The following JAZF1 variants were observed in gnomAD, a reference collection of about 807,000 sequenced individuals.
JAZF1 encodes the protein juxtaposed with another zinc finger protein 1.
In JAZF1, 8 loss-of-function variants were observed where a neutral mutation model predicts 26.4. The observed-to-expected ratio is 0.30, with a 90% confidence interval of 0.18 to 0.55. JAZF1 has a LOEUF of 0.55. Ranked by LOEUF, JAZF1 falls within the 20% of genes least tolerant of loss-of-function variation. The pLI, the probability that JAZF1 is intolerant of heterozygous loss-of-function variation, is 0.94. For missense variants in JAZF1, 199 were observed against 322.0 expected (o/e 0.62, Z 2.92); for synonymous variants, 126 against 122.3 (o/e 1.03, Z -0.20).
At chr7:28,090,159 T>G (rs1784271422) in intron 1 of JAZF1, among the ~76,000 whole-genome samples, 1 of 152,202 alleles carries the variant, frequency 6.6e-6, no homozygotes, top group Admixed American at 6.5e-5. Flanking sequence ...TTCCTCAACT[T>G]AAAAATCAGT....
chr7:27,884,311 G>A (rs572153091), intron 3 of JAZF1, among the ~76,000 whole-genome samples: 2 of 152,060 alleles, frequency 1.3e-5, no homozygotes, highest in African/African-American at 2.4e-5. Flanking sequence ...TTTGATTTTC[G>A]TAGAGACCAG....
intron 1 of JAZF1, among the ~76,000 whole-genome samples, chr7:27,996,202 A>G (rs946858945): frequency 1.3e-5 from 2 of 152,182 alleles, no homozygotes; most frequent in African/African-American, 4.8e-5. Flanking sequence ...GCTGGTCTAC[A>G]TTTTATAACC....
intron 2 of JAZF1, among the ~76,000 whole-genome samples, chr7:27,937,608 T>C (rs551773989): frequency 1.3e-5 from 2 of 152,166 alleles, no homozygotes; most frequent in South Asian, 4.1e-4. Context: ...ACCTGTAGAA[T>C]AGGTTTACTG....
chr7:28,105,917 T>G (rs1784543587), intron 1 of JAZF1, among the ~76,000 whole-genome samples: 1 of 152,314 alleles, frequency 6.6e-6, no homozygotes, highest in East Asian at 1.9e-4. Context: ...AACAAAAAGC[T>G]ATTTTGCATT....
chr7:28,062,323 C>T (rs1438600828), intron 1 of JAZF1, among the ~76,000 whole-genome samples: 1 of 152,086 alleles, frequency 6.6e-6, no homozygotes, highest in Admixed American at 6.6e-5. Flanking sequence ...CAGTAGAGGG[C>T]GCCGCAGGGA....
intron 1 of JAZF1, among the ~76,000 whole-genome samples, chr7:28,099,135 T>A: frequency 6.6e-6 from 1 of 152,214 alleles, no homozygotes; most frequent in East Asian, 1.9e-4. Context: ...TTATTTGTAG[T>A]ATGGAATGGA....
intron 3 of JAZF1, among the ~76,000 whole-genome samples, chr7:27,889,174 C>CA (rs751341722): frequency 6.6e-6 from 1 of 152,200 alleles, no homozygotes; most frequent in Non-Finnish European, 1.5e-5. Flanking sequence ...AAGCCCCACC[C>CA]ACCAGCTGAA....
At chr7:27,976,332 C>T (rs1286861409) in intron 2 of JAZF1, among the ~76,000 whole-genome samples, 1 of 117,472 alleles carries the variant, frequency 8.5e-6, no homozygotes, top group East Asian at 2.3e-4. Context: ...GCAACAGAGC[C>T]AGACTCCGTC....
intron 3 of JAZF1, among the ~76,000 whole-genome samples, chr7:27,858,325 C>A (rs2128335613): frequency 6.6e-6 from 1 of 152,250 alleles, no homozygotes; most frequent in Middle Eastern, 3.4e-3. Flanking sequence ...TTTACAGATT[C>A]AATGCTATCC....
At chr7:28,060,956 T>C (rs755692682) in intron 1 of JAZF1, among the ~76,000 whole-genome samples, 5 of 152,236 alleles carry the variant, frequency 3.3e-5, no homozygotes, top group Non-Finnish European at 7.3e-5. Context: ...CTTCCACTGA[T>C]CCTGCAGGCA....
intron 4 of JAZF1, among the ~76,000 whole-genome samples, chr7:27,834,822 T>A (rs1219960298): frequency 2.0e-5 from 3 of 152,248 alleles, no homozygotes; most frequent in Non-Finnish European, 4.4e-5. Context: ...AACCACCTTG[T>A]TGAACCAGGC....
chr7:27,887,797 A>C (rs1256231689), intron 3 of JAZF1, among the ~76,000 whole-genome samples: 1 of 152,200 alleles, frequency 6.6e-6, no homozygotes, highest in African/African-American at 2.4e-5. Flanking sequence ...GGAAAAACAA[A>C]TAAAATCCTA....
chr7:28,129,538 A>T (rs1782755561), intron 1 of JAZF1, among the ~76,000 whole-genome samples: 1 of 152,166 alleles, frequency 6.6e-6, no homozygotes, highest in Non-Finnish European at 1.5e-5. Flanking sequence ...AAGGGGTATT[A>T]ATATGGCATA....
At chr7:28,125,072 T>C (rs1406031873) in intron 1 of JAZF1, among the ~76,000 whole-genome samples, 1 of 151,820 alleles carries the variant, frequency 6.6e-6, no homozygotes, top group Non-Finnish European at 1.5e-5. Context: ...GTCTGTCACT[T>C]TCTGAATAGT....
rs1189874506 is a variant in JAZF1, at chr7:27,877,144, T to G, written c.385+18076A>C. On this transcript the variant is annotated intron_variant, in intron 3 of 4. Coordinates refer to ENST00000283928, the MANE Select transcript of JAZF1 (RefSeq NM_175061.4). ...CCCCAGCTTTATCACCGACCACGTT[T>G]ATTTTCTTCCGTCAAAGCAAGGACA... is the stretch of plus-strand genomic sequence containing the variant. Among the ~76,000 whole-genome samples, 3 of 145,398 alleles carry G rather than the reference T, an allele frequency of 2.1e-5. No homozygotes were observed. In the Admixed American group the frequency reaches 2.1e-4, roughly 10 times the overall value.
chr7:28,089,131 A>G (rs1384398310), intron 1 of JAZF1, among the ~76,000 whole-genome samples: 1 of 152,238 alleles, frequency 6.6e-6, no homozygotes. Context: ...CAATAATAGT[A>G]CTGAATATTT....
At chr7:27,997,138 G>T (rs1022907968) in intron 1 of JAZF1, among the ~76,000 whole-genome samples, 1 of 151,318 alleles carries the variant, frequency 6.6e-6, no homozygotes, top group Admixed American at 6.6e-5. Flanking sequence ...TGCAGTGGGG[G>T]AGACCCACAG....
intron 1 of JAZF1, among the ~76,000 whole-genome samples, chr7:28,092,701 A>C (rs1376067238): frequency 4.0e-5 from 6 of 151,794 alleles, no homozygotes; most frequent in East Asian, 1.9e-4. Context: ...AAGAAAAAAA[A>C]CCAAAAAAAT....
chr7:27,949,459 T>C (rs1262607162), intron 2 of JAZF1, among the ~76,000 whole-genome samples: 1 of 152,222 alleles, frequency 6.6e-6, no homozygotes, highest in East Asian at 1.9e-4. Context: ...TGCTCATGCA[T>C]GATGCTGACC....
Sources: gnomAD v4.1 joint callset for allele counts (sites outside exome capture counted in the v4.1 genomes callset) on GRCh38, gnomAD v4.1.1 for gene constraint, MANE v1.5 for transcripts, NCBI Gene and HGNC (gene_info 2026-07-23, HGNC 2026-07-21) for gene names.